The following SHMT1 variants were observed in gnomAD, a reference collection of about 807,000 sequenced individuals.
The protein encoded by SHMT1 is serine hydroxymethyltransferase, cytosolic.
Under a neutral mutation model 49.0 loss-of-function variants are expected in SHMT1, and 45 were observed. The ratio of observed to expected loss-of-function variants is 0.92; its 90% CI spans 0.72 to 1.18. The LOEUF (loss-of-function observed/expected upper bound fraction) is 1.18. SHMT1 is among the 50% of genes most tolerant of loss of function. The pLI is 0.00. For missense variants in SHMT1, 541 were observed against 612.4 expected, an observed-to-expected ratio of 0.88 and a Z score of 1.23; for synonymous variants, 232 against 246.6, an observed-to-expected ratio of 0.94 and a Z score of 0.55.
At chr17:18,353,583 T>A in intron 3 of SHMT1, 89 bp downstream of exon 3, 1 of 1,368,578 alleles carries the variant, frequency 7.3e-7, no homozygotes. Flanking sequence ...CTTATTGTTT[T>A]CTGAAATTTC....
At chr17:18,337,155 C>G (rs1598024324) in intron 7 of SHMT1, among the ~76,000 whole-genome samples, 2 of 152,254 alleles carry the variant, frequency 1.3e-5, no homozygotes, top group East Asian at 3.9e-4. Context: ...CTCAAAACAG[C>G]AGTCCAAAGG....
intron 7 of SHMT1, among the ~76,000 whole-genome samples, chr17:18,337,808 G>A (rs1272602544): frequency 6.6e-6 from 1 of 152,224 alleles, no homozygotes; most frequent in Non-Finnish European, 1.5e-5. Flanking sequence ...TCCTAACCGC[G>A]AGTCATCTGC....
chr17:18,345,779 C>G (rs951555583), intron 5 of SHMT1, among the ~76,000 whole-genome samples: 1 of 152,064 alleles, frequency 6.6e-6, no homozygotes, highest in Non-Finnish European at 1.5e-5. Context: ...CTCCCAGGTT[C>G]AAGCAATTAT....
At chr17:18,347,358 C>T in intron 5 of SHMT1, 138 bp downstream of exon 5, 4 of 1,039,624 alleles carry the variant, frequency 3.8e-6, no homozygotes, top group Admixed American at 1.8e-5. Flanking sequence ...TGAGGAGTCC[C>T]CGCTGCAAGG....
chr17:18,332,722 C>A, intron 9 of SHMT1: 1 of 295,976 alleles, frequency 3.4e-6, no homozygotes, highest in South Asian at 3.3e-5. Context: ...GCCAACTCCC[C>A]AGGAATATGC....
chr17:18,355,915 C>T lies in SHMT1; in HGVS notation c.67G>A (p.Ala23Thr). 1 of 1,613,944 alleles carries T rather than the reference C, an allele frequency of 6.2e-7. No homozygotes were observed. Among genetic ancestry groups the T allele is most frequent in the Non-Finnish European group, 8.5e-7 (1 of 1,179,862 alleles). ...ACATCACTGTCTTTGAGGGGTTGTG[C>T]CAGCATCTTGTCATGTGAGGACCAC... ...DLWSSHDKML[A>T]QPLKDSDVEV... The change falls in exon 2 of 12, where the codon GCA becomes ACA. Residue 23 changes from alanine to threonine, a missense_variant. By Grantham distance (58) the Ala-to-Thr change is moderately conservative (BLOSUM62 0). Transcript: ENST00000316694.
intron 7 of SHMT1, among the ~76,000 whole-genome samples, chr17:18,337,850 A>T (rs1382523226): frequency 3.3e-5 from 5 of 151,704 alleles, no homozygotes; most frequent in African/African-American, 1.2e-4. Context: ...CCGGGATTGC[A>T]GACGGAGTCT....
chr17:18,359,620 C>G (rs1301701691), intron 1 of SHMT1, among the ~76,000 whole-genome samples: 1 of 151,586 alleles, frequency 6.6e-6, no homozygotes, highest in Non-Finnish European at 1.5e-5. Context: ...CCACTGCACT[C>G]CAGTCTGGGT....
chr17:18,338,452 G>C (rs1355574114), intron 7 of SHMT1, among the ~76,000 whole-genome samples: 1 of 147,344 alleles, frequency 6.8e-6, no homozygotes, highest in Non-Finnish European at 1.5e-5. Context: ...GTGGGGGGGC[G>C]CCTCTGCCCG....
chr17:18,348,650 G>A (rs368633979), intron 3 of SHMT1: 31 of 676,644 alleles, frequency 4.6e-5, no homozygotes, highest in African/African-American at 4.6e-4. Context: ...AACCAGCTGT[G>A]CAACTTGGAG....
intron 5 of SHMT1, among the ~76,000 whole-genome samples, chr17:18,342,956 G>A (rs544672941): frequency 1.5e-4 from 23 of 151,338 alleles, no homozygotes; most frequent in African/African-American, 5.3e-4. Flanking sequence ...AATTAAAATT[G>A]AATAAATAAA....
chr17:18,331,701 G>C (rs751712109), intron 9 of SHMT1: 1 of 152,266 alleles, frequency 6.6e-6, no homozygotes, highest in African/African-American at 2.4e-5. Context: ...CCAAGGCCTG[G>C]TCAGAATCTG....
At chr17:18,345,491 G>A (rs186349930) in intron 5 of SHMT1, among the ~76,000 whole-genome samples, 47 of 149,004 alleles carry the variant, frequency 3.2e-4, no homozygotes, top group African/African-American at 1.0e-3. Flanking sequence ...TCCTGACCTC[G>A]GATGATCCGC....
At chr17:18,357,660 T>C (rs1986364393) in intron 1 of SHMT1, among the ~76,000 whole-genome samples, 1 of 152,126 alleles carries the variant, frequency 6.6e-6, no homozygotes, top group South Asian at 2.1e-4. Flanking sequence ...CTCATTTTAA[T>C]CCTAGCAACA....
chr17:18,356,216 G>A (rs968022915), intron 1 of SHMT1, among the ~76,000 whole-genome samples: 9 of 151,344 alleles, frequency 5.9e-5, no homozygotes, highest in Non-Finnish European at 1.0e-4. Flanking sequence ...CTAATTTTTT[G>A]TATTTTTAGT....
At position 18,355,899 on chromosome 17, in the gene SHMT1, T is replaced by C; in HGVS notation, c.83A>G (p.Asp28Gly). 1 of 1,612,606 alleles carries C rather than the reference T, an allele frequency of 6.2e-7. No homozygotes were observed. The highest frequency in any genetic ancestry group is 8.5e-7 in the Non-Finnish European group (1 of 1,178,672). The change falls in exon 2 of 12, where the codon GAC becomes GGC. Residue 28 changes from aspartate (D) to glycine (G), a missense_variant. Physicochemically the swap from Asp to Gly is moderately conservative, Grantham distance 94 (BLOSUM62 -1). Coordinates refer to ENST00000316694, the MANE Select transcript of SHMT1 (RefSeq NM_004169.5). ...HDKMLAQPLK[D>G]SDVEVYNIIK... is the part of the protein sequence containing the mutation. The stretch of plus-strand genomic sequence containing the variant: ...CAAAAATCTCACCTCAACATCACTG[T>C]CTTTGAGGGGTTGTGCCAGCATCTT...
intron 7 of SHMT1, among the ~76,000 whole-genome samples, chr17:18,337,140 T>A (rs1321041862): frequency 2.0e-5 from 3 of 152,176 alleles, no homozygotes; most frequent in Admixed American, 6.5e-5. Flanking sequence ...TAAATTCATT[T>A]AATCCTCAAA....
At chr17:18,355,050 C>CAAA (rs768492183) in intron 2 of SHMT1, among the ~76,000 whole-genome samples, 4 of 24,464 alleles carry the variant, frequency 1.6e-4, no homozygotes, top group Non-Finnish European at 2.0e-4. Flanking sequence ...GACTATATCT[C>CAAA]AAAAAAAAAA....
chr17:18,337,581 C>T (rs1051260714), intron 7 of SHMT1, among the ~76,000 whole-genome samples: 32 of 131,280 alleles, frequency 2.4e-4, no homozygotes, highest in African/African-American at 8.5e-4. Context: ...CCTCTCCCCA[C>T]GGTCTCCCTC....
Sources: allele counts gnomAD v4.1 joint callset (sites outside exome capture counted in the v4.1 genomes callset), GRCh38; gene constraint gnomAD v4.1.1; transcripts MANE v1.5; gene names NCBI Gene and HGNC (gene_info 2026-07-23, HGNC 2026-07-21).